The following ATP13A3 variants were observed in gnomAD, a reference collection of about 807,000 sequenced individuals.
ATP13A3 encodes ATPase 13A3.
Under a neutral mutation model 158.1 loss-of-function variants are expected in ATP13A3, and 59 were observed. The observed-to-expected ratio is 0.37, with a 90% CI of 0.30 to 0.46. The LOEUF (loss-of-function observed/expected upper bound fraction) is 0.46, where lower values mean the gene tolerates loss of function less well. Ranked by LOEUF, ATP13A3 falls within the 20% of genes least tolerant of loss-of-function variation. ATP13A3 has a pLI of 1.00. For synonymous variants in ATP13A3, 491 were observed against 504.3 expected (o/e 0.97, Z 0.35); for missense variants, 1,166 against 1,525.2 (o/e 0.76, Z 3.92).
chr3:194,479,946 T>C (rs1211413661), intron 2 of ATP13A3, among the ~76,000 whole-genome samples: 1 of 152,148 alleles, frequency 6.6e-6, no homozygotes, highest in Non-Finnish European at 1.5e-5. Flanking sequence ...TCTTGAGCTT[T>C]TGAGGATGTT....
chr3:194,417,420 C>CACAT (rs1715936779), intron 31 of ATP13A3, among the ~76,000 whole-genome samples: 1 of 150,964 alleles, frequency 6.6e-6, no homozygotes, highest in Admixed American at 6.6e-5. Context: ...CACACACACA[C>CACAT]ACACACACAC....
chr3:194,444,605 T>A (rs1255983841), intron 15 of ATP13A3, 120 bp downstream of exon 15: 2 of 768,692 alleles, frequency 2.6e-6, no homozygotes, highest in Middle Eastern at 4.2e-4. Flanking sequence ...TGGCAACATG[T>A]CCACGGTTTA....
In ATP13A3 at chr3:194,431,008, G is replaced by A. The variant is rs372972524; in HGVS notation, c.2559C>T (p.Gly853=). ...QDLVPKLMLH[G]TVFARMAPDQ... ...CAGGTGCCATACGGGCAAACACGGT[G>A]CCATGCAACATCAACTGGAAACAAT... Residue 853 remains glycine (G), a synonymous_variant, in exon 24 of 34, where the codon GGC becomes GGT. Transcript: ENST00000645319. The A allele has an allele frequency of 3.1e-6, 5 of 1,613,558 alleles. No individual in the cohort carries two copies. The highest frequency in any genetic ancestry group is 4.2e-6 in the Non-Finnish European group (5 of 1,179,646).
chr3:194,426,162 G>A (rs1716753017), intron 29 of ATP13A3, among the ~76,000 whole-genome samples: 1 of 151,884 alleles, frequency 6.6e-6, no homozygotes, highest in Admixed American at 6.6e-5. Context: ...GTGAACTATG[G>A]GAAGATTCTC....
Position 194,464,299 on chromosome 3 carries a change from G to C in ATP13A3, c.-46-2063C>G, listed in dbSNP as rs77282551. On this transcript the variant is annotated intron_variant, in intron 2 of 33. Coordinates refer to ENST00000645319, the MANE Select transcript of ATP13A3 (RefSeq NM_001367549.1). ...TAACCAGTAAGATACTGAACTCAGT[G>C]CCATTGTGGAAAAGGAGAAACCTTA... is the stretch of plus-strand genomic sequence containing the variant. Among the ~76,000 whole-genome samples, 833 of 152,262 alleles carry C rather than the reference G, an allele frequency of 5.5e-3. 9 individuals carry two copies. Among genetic ancestry groups the C allele is most frequent in the African/African-American group, 0.018 (767 of 41,534 alleles).
chr3:194,463,568 A>AAGCAG (rs1407851489), intron 2 of ATP13A3, among the ~76,000 whole-genome samples: 6 of 152,170 alleles, frequency 3.9e-5, no homozygotes, highest in African/African-American at 7.2e-5. Flanking sequence ...CCCGAGTGTG[A>AAGCAG]TAACCACTGC....
intron 30 of ATP13A3, among the ~76,000 whole-genome samples, chr3:194,423,563 T>G (rs937578392): frequency 6.6e-6 from 1 of 152,342 alleles, no homozygotes; most frequent in South Asian, 2.1e-4. Context: ...TCAGAAGGCA[T>G]GCTTTACAAC....
intron 30 of ATP13A3, among the ~76,000 whole-genome samples, chr3:194,421,944 C>CAAAAAAAAAAAAAAAAAAAAAAAAAAAA (rs397972334): frequency 2.1e-5 from 2 of 97,480 alleles, no homozygotes; most frequent in African/African-American, 8.6e-5. Flanking sequence ...GTGTCGTTGG[C>CAAAAAAAAAAAAAAAAAAAAAAAAAAAA]AAAAAAAAAA....
intron 33 of ATP13A3, among the ~76,000 whole-genome samples, chr3:194,410,767 AAT>A (rs1416161632): frequency 6.6e-6 from 1 of 152,158 alleles, no homozygotes; most frequent in African/African-American, 2.4e-5. Flanking sequence ...TGTTCAGATC[AAT>A]AGTCAGAGAT....
At chr3:194,406,249 G>GAA in intron 33 of ATP13A3, 133 bp from the exon 34 acceptor site, 1 of 922,634 alleles carries the variant, frequency 1.1e-6, no homozygotes, top group South Asian at 1.9e-5. Context: ...ACGAATGGGG[G>GAA]AAAAAAAAAT....
rs1715599745 is a variant in ATP13A3, at chr3:194,413,643, G to A, written c.3483+116C>T. ...AAGGCTAAATGAATTTGCCTGAGATGAAACTGAGACTCTGTGGCTTTCCAT... is the reference window on the plus strand; with the variant it reads ...AAGGCTAAATGAATTTGCCTGAGATAAAACTGAGACTCTGTGGCTTTCCAT... On this transcript the variant is annotated intron_variant, in intron 32 of 33. Coordinates refer to ENST00000645319, the MANE Select transcript of ATP13A3 (RefSeq NM_001367549.1). 7 of 925,320 alleles carry A rather than the reference G, an allele frequency of 7.6e-6. No individual in the cohort carries two copies. In the Admixed American group the frequency reaches 1.3e-4, roughly 18 times the overall value. 57.3% of individuals were successfully genotyped at this position (925,320 alleles called of 1,614,324 possible).
intron 2 of ATP13A3, among the ~76,000 whole-genome samples, chr3:194,473,515 C>G (rs1720399891): frequency 6.6e-6 from 1 of 151,020 alleles, no homozygotes; most frequent in African/African-American, 2.4e-5. Flanking sequence ...AAGGAGCAAC[C>G]TTATATATTG....
chr3:194,435,085 A>C (rs545228826), intron 20 of ATP13A3, among the ~76,000 whole-genome samples: 15 of 152,344 alleles, frequency 9.8e-5, no homozygotes, highest in African/African-American at 3.6e-4. Flanking sequence ...ATTCCAATAA[A>C]AGTTGCTTGA....
chr3:194,492,067 A>G (rs1196093795), intron 2 of ATP13A3, among the ~76,000 whole-genome samples: 3 of 152,020 alleles, frequency 2.0e-5, no homozygotes, highest in Non-Finnish European at 4.4e-5. Context: ...GGAATACTAG[A>G]TGAACTTCTT....
At chr3:194,459,309 TA>T in intron 6 of ATP13A3, 161 bp downstream of exon 6, 1 of 613,114 alleles carries the variant, frequency 1.6e-6, no homozygotes, top group Non-Finnish European at 2.9e-6. Flanking sequence ...TTAAAATGGC[TA>T]ATGAGCCTTC....
chr3:194,416,114 A>T (rs1339873364), intron 31 of ATP13A3, among the ~76,000 whole-genome samples: 1 of 152,244 alleles, frequency 6.6e-6, no homozygotes, highest in Non-Finnish European at 1.5e-5. Context: ...GCTATAATTC[A>T]TCACATTCTT....
intron 31 of ATP13A3, 73 bp from the exon 32 acceptor site, chr3:194,413,912 T>C (rs933331518): frequency 6.7e-5 from 89 of 1,324,922 alleles, no homozygotes; most frequent in Non-Finnish European, 9.5e-5. Context: ...TCATAATTTC[T>C]AAATTTATTG....
chr3:194,475,475 C>A (rs919505551), intron 2 of ATP13A3, among the ~76,000 whole-genome samples: 1 of 152,164 alleles, frequency 6.6e-6, no homozygotes, highest in Non-Finnish European at 1.5e-5. Flanking sequence ...CTTTAAGTTA[C>A]ATGAATTTGG....
intron 2 of ATP13A3, among the ~76,000 whole-genome samples, chr3:194,474,586 G>A (rs1333103902): frequency 6.6e-6 from 1 of 152,122 alleles, no homozygotes; most frequent in African/African-American, 2.4e-5. Context: ...TTTTAGTTCA[G>A]AGTTAAGGTA....
Sources: allele counts gnomAD v4.1 joint callset (sites outside exome capture counted in the v4.1 genomes callset), GRCh38; gene constraint gnomAD v4.1.1; transcripts MANE v1.5; gene names NCBI Gene and HGNC (gene_info 2026-07-23, HGNC 2026-07-21).